TAFA1: variants seen among roughly 807,000 people sequenced by gnomAD.
The protein encoded by TAFA1 is TAFA chemokine like family member 1.
A neutral mutation model predicts 18.5 loss-of-function variants in TAFA1; 4 were observed. That is an observed-to-expected ratio of 0.22 (90% confidence interval 0.11 to 0.49). TAFA1 has a LOEUF of 0.49. Ranked by LOEUF, TAFA1 falls within the 20% of genes least tolerant of loss-of-function variation. The probability of loss-of-function intolerance (pLI) is 0.98; values close to 1 mark genes in which losing one functional copy is unlikely to be tolerated. For synonymous variants in TAFA1, 56 were observed against 55.2 expected (o/e 1.01, Z -0.06); for missense variants, 147 against 169.0 (o/e 0.87, Z 0.72).
intron 3 of TAFA1, among the ~76,000 whole-genome samples, chr3:68,523,570 GA>G (rs1393161429): frequency 1.3e-5 from 2 of 152,058 alleles, no homozygotes; most frequent in East Asian, 3.9e-4. Flanking sequence ...AGTGCTTTTA[GA>G]AGCAAAAACT....
At chr3:68,180,199 A>AT (rs11308331) in intron 2 of TAFA1, among the ~76,000 whole-genome samples, 6 of 146,702 alleles carry the variant, frequency 4.1e-5, no homozygotes, top group Admixed American at 1.4e-4. Context: ...CACCTGGCTA[A>AT]TTTTTTTTTT....
intron 2 of TAFA1, among the ~76,000 whole-genome samples, chr3:68,252,974 G>T (rs909694707): frequency 6.6e-6 from 1 of 152,120 alleles, no homozygotes; most frequent in African/African-American, 2.4e-5. Context: ...CAGGTGTCAT[G>T]CAAGATGTGT....
At chr3:68,053,929 T>G (rs1314900139) in intron 2 of TAFA1, among the ~76,000 whole-genome samples, 1 of 152,090 alleles carries the variant, frequency 6.6e-6, no homozygotes, top group Non-Finnish European at 1.5e-5. Flanking sequence ...GATCTTGAAC[T>G]TCCAGCCTCA....
At chr3:68,321,990 T>A (rs2068703092) in intron 2 of TAFA1, among the ~76,000 whole-genome samples, 1 of 152,164 alleles carries the variant, frequency 6.6e-6, no homozygotes, top group African/African-American at 2.4e-5. Context: ...AAGACAGAGT[T>A]TTTTTCCCAC....
intron 2 of TAFA1, among the ~76,000 whole-genome samples, chr3:68,343,876 T>C (rs1321476298): frequency 6.6e-6 from 1 of 152,228 alleles, no homozygotes; most frequent in Non-Finnish European, 1.5e-5. Flanking sequence ...GGAGTTTTGC[T>C]CCTGTTGCCC....
At chr3:68,250,079 A>G (rs974270126) in intron 2 of TAFA1, among the ~76,000 whole-genome samples, 3 of 152,158 alleles carry the variant, frequency 2.0e-5, no homozygotes, top group Non-Finnish European at 4.4e-5. Context: ...TTCTGGGAGG[A>G]AAAGCATTTC....
rs145049964 is a variant in TAFA1 at position 68,506,998 on chromosome 3, T to C, written c.260-31758T>C. The stretch of plus-strand genomic sequence containing the variant: ...GCAGGAAGGTCTTCGATATTTTAAG[T>C]TCTGGGCCATGCATAGCAAATTCAT... On this transcript the variant is annotated intron_variant, in intron 3 of 4. Transcript: ENST00000478136. Among the ~76,000 whole-genome samples the C allele has an allele frequency of 3.0e-3, 457 of 152,238 alleles. 2 individuals carry two copies. The highest frequency in any genetic ancestry group is 0.01 in the African/African-American group (434 of 41,556).
chr3:68,383,468 T>C (rs1397702975), intron 2 of TAFA1, among the ~76,000 whole-genome samples: 1 of 152,216 alleles, frequency 6.6e-6, no homozygotes, highest in Non-Finnish European at 1.5e-5. Context: ...GTTTTGTTTA[T>C]GCGATGAATC....
intron 2 of TAFA1, among the ~76,000 whole-genome samples, chr3:68,310,935 G>A (rs1280494639): frequency 6.6e-6 from 1 of 152,064 alleles, no homozygotes; most frequent in African/African-American, 2.4e-5. Flanking sequence ...TCATGCTGCT[G>A]ATAAAGACAC....
intron 2 of TAFA1, among the ~76,000 whole-genome samples, chr3:68,233,071 T>C (rs188303273): frequency 2.0e-3 from 310 of 152,326 alleles, no homozygotes; most frequent in Non-Finnish European, 2.7e-3. Flanking sequence ...TGATATCTAA[T>C]TGTGGTTTTG....
intron 2 of TAFA1, among the ~76,000 whole-genome samples, chr3:68,262,419 A>G (rs1377719517): frequency 7.0e-6 from 1 of 143,792 alleles, no homozygotes; most frequent in Non-Finnish European, 1.5e-5. Context: ...CAGTTTTTCA[A>G]CCCATGCCTC....
At position 68,417,268 on chromosome 3, in the gene TAFA1, C is replaced by T. The variant is rs1234768474; in HGVS notation, c.119-12C>T. ...TTTCTAATCAGTGTCCCTGTTCTTTCTCTCTTGCCAGAAGGAGGGACGTGT... is the reference window on the plus strand; with the variant it reads ...TTTCTAATCAGTGTCCCTGTTCTTTTTCTCTTGCCAGAAGGAGGGACGTGT... On this transcript the variant is annotated splice_polypyrimidine_tract_variant and intron_variant, in intron 2 of 4. Coordinates refer to ENST00000478136, the MANE Select transcript of TAFA1 (RefSeq NM_213609.4). The T allele has an allele frequency of 6.2e-7, 1 of 1,612,076 alleles. No individual in the cohort carries two copies. Among genetic ancestry groups the T allele is most frequent in the Admixed American group, 1.7e-5 (1 of 59,888 alleles).
intron 2 of TAFA1, among the ~76,000 whole-genome samples, chr3:68,068,213 G>T (rs760183901): frequency 6.6e-6 from 1 of 152,108 alleles, no homozygotes. Flanking sequence ...TTAAATAACT[G>T]GTTTCAATAA....
chr3:68,034,620 G>A (rs1304640372), intron 2 of TAFA1, among the ~76,000 whole-genome samples: 1 of 152,296 alleles, frequency 6.6e-6, no homozygotes, highest in South Asian at 2.1e-4. Flanking sequence ...TTTAGTACTT[G>A]TCTTCCTTTG....
At chr3:68,063,941 T>C (rs2064639528) in intron 2 of TAFA1, among the ~76,000 whole-genome samples, 1 of 152,190 alleles carries the variant, frequency 6.6e-6, no homozygotes, top group African/African-American at 2.4e-5. Context: ...ATTGCTTTTC[T>C]TTCCAAAGAT....
At chr3:68,408,777 C>T (rs2106770895) in intron 2 of TAFA1, among the ~76,000 whole-genome samples, 1 of 152,220 alleles carries the variant, frequency 6.6e-6, no homozygotes, top group Non-Finnish European at 1.5e-5. Flanking sequence ...GGCTAGACAA[C>T]AAGCCCATAA....
chr3:68,112,787 A>T (rs1362219980), intron 2 of TAFA1, among the ~76,000 whole-genome samples: 2 of 147,552 alleles, frequency 1.4e-5, no homozygotes, highest in Admixed American at 6.7e-5. Context: ...AAATAAACAG[A>T]AAAAAATGAA....
intron 2 of TAFA1, among the ~76,000 whole-genome samples, chr3:68,088,257 A>G (rs2106791386): frequency 6.6e-6 from 1 of 152,336 alleles, no homozygotes; most frequent in East Asian, 1.9e-4. Flanking sequence ...ATACTGTCAG[A>G]CTGCCTCCAC....
At chr3:68,015,292 C>CT (rs68104013) in intron 2 of TAFA1, among the ~76,000 whole-genome samples, 139,926 of 145,396 alleles carry the variant, frequency 0.96, 67,328 homozygotes, top group South Asian at 0.98. Flanking sequence ...TTTTTCTTTC[C>CT]TTTTTTTTTT....
Sources: allele counts gnomAD v4.1 joint callset (sites outside exome capture counted in the v4.1 genomes callset), GRCh38; gene constraint gnomAD v4.1.1; transcripts MANE v1.5; gene names NCBI Gene and HGNC (gene_info 2026-07-23, HGNC 2026-07-21).